The following PLCB1 variants were observed in gnomAD, a reference collection of about 807,000 sequenced individuals.
PLCB1 encodes 1-phosphatidylinositol 4,5-bisphosphate phosphodiesterase beta-1.
Under a neutral mutation model 161.8 loss-of-function variants are expected in PLCB1, and 46 were observed. The observed-to-expected ratio is 0.28, with a 90% confidence interval of 0.22 to 0.36. The LOEUF is 0.36. Ranked by LOEUF, PLCB1 falls within the 10% of genes least tolerant of loss-of-function variation. The pLI is 1.00. For synonymous variants in PLCB1, 517 were observed against 503.7 expected (o/e 1.03, Z -0.35); for missense variants, 1,016 against 1,472.5 (o/e 0.69, Z 5.07).
intron 2 of PLCB1, among the ~76,000 whole-genome samples, chr20:8,367,534 T>C (rs1568648720): frequency 6.6e-6 from 1 of 152,192 alleles, no homozygotes; most frequent in East Asian, 1.9e-4. Context: ...AAAAAATTGA[T>C]GCTCAGTGTG....
chr20:8,373,375 T>G (rs708930), intron 3 of PLCB1, among the ~76,000 whole-genome samples: 60,074 of 151,974 alleles, frequency 0.4, 12,917 homozygotes, highest in South Asian at 0.56. Context: ...GTTGGCTAAA[T>G]GGTGAAGATA....
intron 3 of PLCB1, among the ~76,000 whole-genome samples, chr20:8,546,902 C>T (rs1985572835): frequency 6.6e-6 from 1 of 152,060 alleles, no homozygotes; most frequent in Non-Finnish European, 1.5e-5. Context: ...TATCTTCTGG[C>T]AATGACTTTG....
intron 2 of PLCB1, among the ~76,000 whole-genome samples, chr20:8,289,118 C>A (rs1983266669): frequency 6.6e-6 from 1 of 152,148 alleles, no homozygotes; most frequent in Non-Finnish European, 1.5e-5. Flanking sequence ...CTTTTTCAAC[C>A]CGGGTTCCCA....
intron 1 of PLCB1, among the ~76,000 whole-genome samples, chr20:8,149,357 C>A (rs2051485718): frequency 6.6e-6 from 1 of 152,024 alleles, no homozygotes; most frequent in Non-Finnish European, 1.5e-5. Context: ...CAGGCTCTTA[C>A]AATAAAACTT....
chr20:8,433,138 C>G (rs1298233783), intron 3 of PLCB1, among the ~76,000 whole-genome samples: 3 of 152,146 alleles, frequency 2.0e-5, no homozygotes, highest in African/African-American at 4.8e-5. Context: ...GAAGCAAATT[C>G]CTTGCAGCAT....
intron 3 of PLCB1, among the ~76,000 whole-genome samples, chr20:8,459,369 G>A (rs567630739): frequency 5.0e-4 from 76 of 152,298 alleles, no homozygotes; most frequent in African/African-American, 1.7e-3. Context: ...GAAGTTGAAT[G>A]CTTAATTACT....
intron 4 of PLCB1, among the ~76,000 whole-genome samples, chr20:8,634,798 GACCC>G (rs1337844428): frequency 6.6e-6 from 1 of 152,148 alleles, no homozygotes; most frequent in Non-Finnish European, 1.5e-5. Context: ...ATTCATCAGT[GACCC>G]AACATAGTCC....
intron 31 of PLCB1, among the ~76,000 whole-genome samples, chr20:8,826,291 C>A (rs914642040): frequency 2.0e-5 from 3 of 151,924 alleles, no homozygotes; most frequent in Admixed American, 2.0e-4. Flanking sequence ...GTCAGGAGAT[C>A]GAGACCATCC....
intron 2 of PLCB1, among the ~76,000 whole-genome samples, chr20:8,356,471 T>C (rs953047760): frequency 2.0e-5 from 3 of 152,136 alleles, no homozygotes; most frequent in Non-Finnish European, 4.4e-5. Flanking sequence ...AACCACTGAT[T>C]TTTCTATAAA....
chr20:8,536,802 T>C (rs546625255), intron 3 of PLCB1, among the ~76,000 whole-genome samples: 1 of 152,092 alleles, frequency 6.6e-6, no homozygotes, highest in South Asian at 2.1e-4. Context: ...CCAGCACAGA[T>C]TAAAGGGGAT....
At chr20:8,172,615 T>C (rs62198559) in intron 2 of PLCB1, among the ~76,000 whole-genome samples, 26,698 of 152,170 alleles carry the variant, frequency 0.18, 2,490 homozygotes, top group African/African-American at 0.23. Context: ...AAGTTTTAAA[T>C]ACAGATGTGA....
intron 2 of PLCB1, among the ~76,000 whole-genome samples, chr20:8,325,916 A>G (rs1432623197): frequency 6.6e-6 from 1 of 152,206 alleles, no homozygotes; most frequent in Non-Finnish European, 1.5e-5. Context: ...CTTCATTTGA[A>G]TTGGAAAGGA....
chr20:8,740,747 A>G (rs1184608092), intron 22 of PLCB1, among the ~76,000 whole-genome samples: 1 of 152,180 alleles, frequency 6.6e-6, no homozygotes, highest in African/African-American at 2.4e-5. Context: ...CATTACAACA[A>G]ATGTCTAGGT....
At chr20:8,236,361 G>A (rs1244182180) in intron 2 of PLCB1, among the ~76,000 whole-genome samples, 1 of 151,896 alleles carries the variant, frequency 6.6e-6, no homozygotes, top group Non-Finnish European at 1.5e-5. Context: ...TGAGACCCCT[G>A]TCTTTACAAA....
chr20:8,673,060 C>T (rs1040071916), intron 9 of PLCB1, among the ~76,000 whole-genome samples: 4 of 151,702 alleles, frequency 2.6e-5, no homozygotes, highest in East Asian at 3.9e-4. Context: ...TGCAGTGAGC[C>T]GAGATCGTGC....
chr20:8,239,413 G>A (rs1024003020), intron 2 of PLCB1, among the ~76,000 whole-genome samples: 7 of 152,068 alleles, frequency 4.6e-5, no homozygotes, highest in African/African-American at 1.4e-4. Context: ...GTCACCATCC[G>A]GTGTAAGGAA....
intron 14 of PLCB1, among the ~76,000 whole-genome samples, chr20:8,720,868 A>AG (rs1234696451): frequency 2.0e-5 from 3 of 150,940 alleles, no homozygotes; most frequent in Non-Finnish European, 3.0e-5. Context: ...TAAAAAAAAA[A>AG]GGTAATAAGA....
intron 1 of PLCB1, among the ~76,000 whole-genome samples, chr20:8,137,303 G>A (rs555211730): frequency 6.6e-4 from 101 of 152,312 alleles, no homozygotes; most frequent in African/African-American, 2.3e-3. Flanking sequence ...AGGGGAAAAG[G>A]GTTTGCGAGG....
At chr20:8,609,318 CATT>C (rs1347037391) in intron 3 of PLCB1, among the ~76,000 whole-genome samples, 2 of 152,152 alleles carry the variant, frequency 1.3e-5, no homozygotes, top group Non-Finnish European at 2.9e-5. Flanking sequence ...ATGGTTCAAA[CATT>C]AATATTTGTG....
Sources: gnomAD v4.1 joint callset for allele counts (sites outside exome capture counted in the v4.1 genomes callset) on GRCh38, gnomAD v4.1.1 for gene constraint, MANE v1.5 for transcripts, NCBI Gene and HGNC (gene_info 2026-07-23, HGNC 2026-07-21) for gene names.